B3GALNT2: variants seen among roughly 807,000 people sequenced by gnomAD.
B3GALNT2 encodes UDP-GalNAc:beta-1,3-N-acetylgalactosaminyltransferase 2.
Under a neutral mutation model 61.1 loss-of-function variants are expected in B3GALNT2, and 53 were observed. That is an observed-to-expected ratio of 0.87 (90% confidence interval 0.70 to 1.09). B3GALNT2 has a LOEUF of 1.09. B3GALNT2 is among the 50% of genes least tolerant of loss of function. The pLI is 0.00. For missense variants in B3GALNT2, 544 were observed against 623.0 expected (o/e 0.87, Z 1.35); for synonymous variants, 223 against 237.4 (o/e 0.94, Z 0.56).
At chr1:235,488,692 CAAAAAAAAAAAAAA>C (rs11436508) in intron 3 of B3GALNT2, among the ~76,000 whole-genome samples, 13 of 37,970 alleles carry the variant, frequency 3.4e-4, no homozygotes, top group African/African-American at 2.1e-4. Context: ...ACTCCATCTC[CAAAAAAAAAAAAAA>C]AAAAAAAAAA....
chr1:235,472,234 T>C (rs1261239917), intron 5 of B3GALNT2, among the ~76,000 whole-genome samples: 1 of 152,220 alleles, frequency 6.6e-6, no homozygotes, highest in Non-Finnish European at 1.5e-5. Flanking sequence ...CCTTGGCAAA[T>C]CTGACAAACT....
chr1:235,454,173 T>A lies in B3GALNT2; in HGVS notation c.1294A>T (p.Arg432Trp). 1 of 1,611,276 alleles carries A rather than the reference T, an allele frequency of 6.2e-7. No homozygotes were observed. The highest frequency in any genetic ancestry group is 1.3e-5 in the African/African-American group (1 of 74,840). ...IVKWLASNSG[R>W]LKTYQGEDVS... is the part of the protein sequence containing the mutation. ...TTAATTACCTGATAGGTCTTTAACC[T>A]CCCCGAGTTGCTTGCCAGCCACTTG... The change falls in exon 10 of 12, where the codon AGG becomes TGG. Residue 432 changes from arginine to tryptophan, a missense_variant. Arg to Trp is a moderately radical substitution (Grantham distance 101). Transcript: ENST00000366600.
intron 5 of B3GALNT2, among the ~76,000 whole-genome samples, chr1:235,475,895 C>T (rs985668046): frequency 9.2e-5 from 14 of 151,834 alleles, no homozygotes; most frequent in African/African-American, 3.4e-4. Flanking sequence ...ATCAAGTTGC[C>T]CAGGCTGGTC....
chr1:235,446,700 T>G (rs567514413), downstream of B3GALNT2, among the ~76,000 whole-genome samples: 19 of 151,894 alleles, frequency 1.3e-4, no homozygotes, highest in African/African-American at 3.6e-4. Context: ...GGCAGGTTTT[T>G]TTTTTTTTTT....
intron 6 of B3GALNT2, among the ~76,000 whole-genome samples, chr1:235,466,230 CTTTTTTTT>C (rs57389033): frequency 7.4e-6 from 1 of 134,506 alleles, no homozygotes; most frequent in African/African-American, 2.7e-5. Flanking sequence ...TTTAATTTTT[CTTTTTTTT>C]TTTTTTTCAA....
At chr1:235,502,583 A>C (rs978746732) in intron 1 of B3GALNT2, among the ~76,000 whole-genome samples, 1 of 152,228 alleles carries the variant, frequency 6.6e-6, no homozygotes, top group Non-Finnish European at 1.5e-5. Flanking sequence ...GCCTGGTCTA[A>C]CTACTGGATG....
rs925990269 is a variant in B3GALNT2, at chr1:235,463,390, CATATATATGCATAT to C, written c.841+2232_841+2245del. On this transcript the variant is annotated intron_variant, in intron 7 of 11. Coordinates refer to ENST00000366600, the MANE Select transcript of B3GALNT2 (RefSeq NM_152490.5). The stretch of plus-strand genomic sequence containing the variant: ...AACCGATTGAAATTATATATTTATT[CATATATATGCATAT>C]ATATATATGCAATCCCTTAAAACAT... 410 of 151,298 alleles carry C rather than the reference CATATATATGCATAT, an allele frequency of 2.7e-3. 1 individual carries two copies. Among genetic ancestry groups the C allele is most frequent in the African/African-American group, 9.4e-3 (386 of 41,280 alleles). The allele number at this position is 151,298 out of a possible 1,614,324, so 9.4% of individuals were successfully genotyped here. A position where few individuals can be genotyped will look rare whatever the true frequency, so the allele number is the denominator to read the frequency against.
intron 1 of B3GALNT2, among the ~76,000 whole-genome samples, chr1:235,502,442 C>A (rs905817250): frequency 7.9e-5 from 12 of 152,170 alleles, no homozygotes; most frequent in African/African-American, 2.9e-4. Context: ...AAAAAAATCC[C>A]ATTTATTATC....
At chr1:235,452,728 T>C (rs1336516686) in intron 11 of B3GALNT2, among the ~76,000 whole-genome samples, 1 of 151,986 alleles carries the variant, frequency 6.6e-6, no homozygotes, top group Admixed American at 6.6e-5. Context: ...TTTTTTGTAG[T>C]TTTTGTAGAG....
chr1:235,453,599 G>A (rs1425647122), intron 10 of B3GALNT2, among the ~76,000 whole-genome samples: 2 of 151,998 alleles, frequency 1.3e-5, no homozygotes, highest in Non-Finnish European at 2.9e-5. Flanking sequence ...GAATATAGGT[G>A]TGCGCCCAGC....
chr1:235,461,851 AC>A (rs1683452067), intron 7 of B3GALNT2, among the ~76,000 whole-genome samples: 1 of 152,122 alleles, frequency 6.6e-6, no homozygotes, highest in Non-Finnish European at 1.5e-5. Context: ...TTTGGACTTT[AC>A]GATAATGTAA....
intron 3 of B3GALNT2, among the ~76,000 whole-genome samples, chr1:235,485,424 C>CT (rs1159613326): frequency 6.6e-6 from 1 of 152,238 alleles, no homozygotes; most frequent in Non-Finnish European, 1.5e-5. Flanking sequence ...AGGGATCCTC[C>CT]TGCCTCAGCC....
chr1:235,470,873 C>G lies in B3GALNT2; in HGVS notation c.739G>C (p.Gly247Arg). Residue 247 changes from glycine to arginine, a missense_variant, in exon 6 of 12, where the codon GGG (glycine) becomes CGG (arginine). By Grantham distance (125) the Gly-to-Arg change is moderately radical (BLOSUM62 -2). Transcript: ENST00000366600. Reference sequence around the variant, plus strand: ...ACTGTAATGACTCTGAGAACTCCCCCTCCATCATTCACTGTCACTTTGTGG... The same window carrying G: ...ACTGTAATGACTCTGAGAACTCCCCGTCCATCATTCACTGTCACTTTGTGG... ...NLHKVTVNDGGGVLRVITAGE... is the reference protein window; with the variant it reads ...NLHKVTVNDGRGVLRVITAGE... 6.2e-7 allele frequency: 1 copy of G among 1,614,036 alleles called. No homozygotes were observed. Among genetic ancestry groups the G allele is most frequent in the Non-Finnish European group, 8.5e-7 (1 of 1,179,978 alleles).
At chr1:235,479,767 C>G (rs932937737) in intron 5 of B3GALNT2, 6 of 252,128 alleles carry the variant, frequency 2.4e-5, no homozygotes, top group Admixed American at 1.5e-4. Context: ...CCAACATCAT[C>G]CTTTGTCATT....
chr1:235,466,825 A>G (rs1419195580), intron 6 of B3GALNT2, among the ~76,000 whole-genome samples: 1 of 152,224 alleles, frequency 6.6e-6, no homozygotes. Context: ...GTAAACCACT[A>G]TGGTACATCT....
chr1:235,460,013 G>T (rs912288606), intron 7 of B3GALNT2, among the ~76,000 whole-genome samples: 3 of 151,948 alleles, frequency 2.0e-5, no homozygotes, highest in African/African-American at 7.3e-5. Flanking sequence ...AGCTGGTCTC[G>T]AACTCCTGAC....
At position 235,448,607 on chromosome 1, in the gene B3GALNT2, G is replaced by A; in HGVS notation, c.*1599C>T. 6.9e-7 allele frequency: 1 copy of A among 1,451,754 alleles called. No homozygotes were observed. Among genetic ancestry groups the A allele is most frequent in the Non-Finnish European group, 9.7e-7 (1 of 1,032,640 alleles). The allele number at this position is 1,451,754 out of a possible 1,614,324, so 89.9% of individuals were successfully genotyped here. Reference sequence around the variant, plus strand: ...TGGGGACGGGGTGGGGGAAGAGTATGTGTAGCATGCTTTATCGGATCTGTC... The same window carrying A: ...TGGGGACGGGGTGGGGGAAGAGTATATGTAGCATGCTTTATCGGATCTGTC... On this transcript the variant is annotated 3_prime_UTR_variant, in exon 12 of 12. Coordinates refer to ENST00000366600, the MANE Select transcript of B3GALNT2 (RefSeq NM_152490.5).
At chr1:235,470,541 G>A (rs1218948297) in intron 6 of B3GALNT2, among the ~76,000 whole-genome samples, 2 of 138,890 alleles carry the variant, frequency 1.4e-5, no homozygotes, top group Non-Finnish European at 3.0e-5. Flanking sequence ...TCGTGCTAGT[G>A]CACCCCAGCC....
rs1049365959 is a variant in B3GALNT2 at position 235,449,571 on chromosome 1, T to A, written c.*635A>T. On this transcript the variant is annotated 3_prime_UTR_variant, in exon 12 of 12. Coordinates refer to ENST00000366600, the MANE Select transcript of B3GALNT2 (RefSeq NM_152490.5). ...GGCAGAAAGAAAATTTGGGTATTAG[T>A]CTACCATATAAATGAACTTCTTTAA... The A allele has an allele frequency of 1.3e-5, 2 of 152,482 alleles. No homozygotes were observed. The highest frequency in any genetic ancestry group is 4.8e-5 in the African/African-American group (2 of 41,480). 9.4% of individuals were successfully genotyped at this position (152,482 alleles called of 1,614,324 possible).
Sources: gnomAD v4.1 joint callset for allele counts (sites outside exome capture counted in the v4.1 genomes callset) on GRCh38, gnomAD v4.1.1 for gene constraint, MANE v1.5 for transcripts, NCBI Gene and HGNC (gene_info 2026-07-23, HGNC 2026-07-21) for gene names.